Variants in HDAC9 observed in about 807,000 individuals in gnomAD.
HDAC9 encodes histone deacetylase 9, also known as MEF-2 interacting transcription repressor (MITR) protein.
In HDAC9, 41 loss-of-function variants were observed where a neutral mutation model predicts 139.4. That is an observed-to-expected ratio of 0.29 (90% CI 0.23 to 0.38). HDAC9 has a LOEUF of 0.38. Among genes scored for constraint, HDAC9 ranks in the 10% least tolerant of loss-of-function variants. The pLI, the probability that HDAC9 is intolerant of heterozygous loss-of-function variation, is 1.00. For synonymous variants in HDAC9, 517 were observed against 476.2 expected, an observed-to-expected ratio of 1.09 and a Z score of -1.12; for missense variants, 1,147 against 1,297.0, an observed-to-expected ratio of 0.88 and a Z score of 1.78.
intron 1 of HDAC9, among the ~76,000 whole-genome samples, chr7:18,400,638 G>A (rs1197861870): frequency 6.6e-6 from 1 of 152,190 alleles, no homozygotes; most frequent in African/African-American, 2.4e-5. Context: ...GTGGCACTTA[G>A]AAAAGTTGAG....
At chr7:18,159,905 G>T (rs1373738882) in intron 1 of HDAC9, among the ~76,000 whole-genome samples, 1 of 152,122 alleles carries the variant, frequency 6.6e-6, no homozygotes, top group Non-Finnish European at 1.5e-5. Flanking sequence ...AAAAAGACTT[G>T]ATATTTGTAA....
chr7:18,658,813 T>G (rs1792120912), intron 11 of HDAC9, among the ~76,000 whole-genome samples: 1 of 151,938 alleles, frequency 6.6e-6, no homozygotes, highest in South Asian at 2.1e-4. Context: ...TTATCATTAT[T>G]TTTAAATCTA....
intron 12 of HDAC9, among the ~76,000 whole-genome samples, chr7:18,705,852 C>CAA (rs376206693): frequency 0.053 from 4,229 of 80,542 alleles, 408 homozygotes; most frequent in Non-Finnish European, 0.067. Flanking sequence ...GACTCTGTCT[C>CAA]AAAAAAAAAA....
chr7:18,759,941 A>C (rs116001945), intron 14 of HDAC9, among the ~76,000 whole-genome samples: 2,007 of 152,306 alleles, frequency 0.013, 49 homozygotes, highest in African/African-American at 0.046. Flanking sequence ...GGAAGTAAAA[A>C]TTTAATTTAT....
At chr7:18,476,158 T>A (rs1795095887) in intron 1 of HDAC9, among the ~76,000 whole-genome samples, 1 of 152,164 alleles carries the variant, frequency 6.6e-6, no homozygotes, top group Non-Finnish European at 1.5e-5. Context: ...TAAATAGAAA[T>A]AGCAGGTGTA....
At chr7:18,827,443 C>T (rs1795536730) in intron 17 of HDAC9, among the ~76,000 whole-genome samples, 1 of 152,040 alleles carries the variant, frequency 6.6e-6, no homozygotes, top group Admixed American at 6.6e-5. Flanking sequence ...TAGAAAGTAT[C>T]TAATGAATTA....
rs17139508 is a variant in HDAC9, at chr7:18,645,818, A to T, written c.1035+1025A>T. Among the ~76,000 whole-genome samples the T allele has an allele frequency of 8.8e-3, 1,345 of 152,278 alleles. 22 individuals are homozygous for T. Among genetic ancestry groups the T allele is most frequent in the African/African-American group, 0.03 (1,251 of 41,572 alleles). ...AGTCTTCCACTGAGTTGAATGTGTC[A>T]AGTTCACTTGTATGTTCAACACATA... is the stretch of plus-strand genomic sequence containing the variant. On this transcript the variant is annotated intron_variant, in intron 9 of 25. Coordinates refer to ENST00000686413, the MANE Select transcript of HDAC9 (RefSeq NM_178425.4).
At chr7:18,374,678 A>G (rs1373287057) in intron 1 of HDAC9, among the ~76,000 whole-genome samples, 1 of 152,062 alleles carries the variant, frequency 6.6e-6, no homozygotes, top group East Asian at 1.9e-4. Context: ...TGACTGAAAC[A>G]TTGTTATGCT....
intron 2 of HDAC9, among the ~76,000 whole-genome samples, chr7:18,564,758 T>G (rs1278543757): frequency 1.3e-5 from 2 of 152,040 alleles, no homozygotes; most frequent in Non-Finnish European, 2.9e-5. Context: ...CTATTCAAAG[T>G]CCTCAAAATT....
intron 1 of HDAC9, among the ~76,000 whole-genome samples, chr7:18,094,272 C>T (rs1278587393): frequency 6.6e-6 from 1 of 152,118 alleles, no homozygotes; most frequent in Non-Finnish European, 1.5e-5. Flanking sequence ...CTAATCTATT[C>T]TAGAGCACAC....
intron 24 of HDAC9, among the ~76,000 whole-genome samples, chr7:18,969,698 G>A (rs1563094705): frequency 6.6e-6 from 1 of 151,878 alleles, no homozygotes; most frequent in Non-Finnish European, 1.5e-5. Flanking sequence ...TACAGCATTT[G>A]ATATTTTTAA....
At chr7:18,350,008 A>G (rs1046169397) in intron 1 of HDAC9, among the ~76,000 whole-genome samples, 1 of 152,058 alleles carries the variant, frequency 6.6e-6, no homozygotes, top group African/African-American at 2.4e-5. Context: ...ATTATTATTA[A>G]TAGTAGTATA....
In HDAC9 at chr7:18,755,106, C is replaced by G. The variant is rs550776865; in HGVS notation, c.2043+5968C>G. Among the ~76,000 whole-genome samples the G allele has an allele frequency of 9.3e-4, 141 of 152,136 alleles. 1 individual carries two copies. Among genetic ancestry groups the G allele is most frequent in the African/African-American group, 3.3e-3 (137 of 41,504 alleles). ...ACAGAGAGAAACTCAAACAGGGAAC[C>G]CTGTGAATTGTCTCTAAAGGATATG... On this transcript the variant is annotated intron_variant, in intron 14 of 25. Coordinates refer to ENST00000686413, the MANE Select transcript of HDAC9 (RefSeq NM_178425.4).
chr7:18,413,395 C>T (rs1788755913), intron 1 of HDAC9, among the ~76,000 whole-genome samples: 1 of 152,048 alleles, frequency 6.6e-6, no homozygotes, highest in Admixed American at 6.6e-5. Flanking sequence ...CTCTGGATCC[C>T]TAAGGATTCA....
chr7:18,347,689 C>G (rs1782526584), intron 1 of HDAC9, among the ~76,000 whole-genome samples: 1 of 152,072 alleles, frequency 6.6e-6, no homozygotes, highest in African/African-American at 2.4e-5. Context: ...CCTCTGCCTC[C>G]CAGATTTAAG....
At position 19,002,212 on chromosome 7, in the gene HDAC9, G is replaced by C. The variant is rs929041353; in HGVS notation, c.*6150G>C. The C allele has an allele frequency of 2.3e-4, 35 of 152,166 alleles. No homozygotes were observed. The highest frequency in any genetic ancestry group is 7.9e-4 in the African/African-American group (33 of 41,526). 9.4% of individuals were successfully genotyped at this position (152,166 alleles called of 1,614,324 possible). On this transcript the variant is annotated 3_prime_UTR_variant, in exon 26 of 26. Transcript: ENST00000686413. ...ATTAATATCTAATAACAATACCATT[G>C]TTGAACATGCTCATGGAATGTCCAC...
At position 18,998,919 on chromosome 7, in the gene HDAC9, T is replaced by C. The variant is rs1373472355; in HGVS notation, c.*2857T>C. On this transcript the variant is annotated 3_prime_UTR_variant, in exon 26 of 26. Coordinates refer to ENST00000686413, the MANE Select transcript of HDAC9 (RefSeq NM_178425.4). The stretch of plus-strand genomic sequence containing the variant: ...AAGGCTTAAAAATTAATTTTCCCAA[T>C]TGTATAATTTGGGGCTGTATATTAA... 2 of 152,180 alleles carry C rather than the reference T, an allele frequency of 1.3e-5. No homozygotes were observed. Among genetic ancestry groups the C allele is most frequent in the African/African-American group, 4.8e-5 (2 of 41,436 alleles). 9.4% of individuals were successfully genotyped at this position (152,180 alleles called of 1,614,324 possible).
Position 18,432,036 on chromosome 7 carries a change from G to T in HDAC9, c.-41-64226G>T, listed in dbSNP as rs545522326. On this transcript the variant is annotated intron_variant, in intron 1 of 3. Transcript: ENST00000413509. Reference sequence around the variant, plus strand: ...GGTTGAAGTGTCCTGAATAAAACAGGTATCCATGCCTTTGTGCCTTAGCCC... The same window carrying T: ...GGTTGAAGTGTCCTGAATAAAACAGTTATCCATGCCTTTGTGCCTTAGCCC... Among the ~76,000 whole-genome samples, 3 of 152,294 alleles carry T rather than the reference G, an allele frequency of 2.0e-5. No homozygotes were observed. In the South Asian group the frequency reaches 6.2e-4, roughly 32 times the overall value.
intron 2 of HDAC9, among the ~76,000 whole-genome samples, chr7:18,232,074 T>C (rs1584757700): frequency 6.6e-6 from 1 of 152,322 alleles, no homozygotes; most frequent in East Asian, 1.9e-4. Flanking sequence ...TATGAGACAT[T>C]ATATTTAAGC....
Sources: allele counts gnomAD v4.1 joint callset (sites outside exome capture counted in the v4.1 genomes callset), GRCh38; gene constraint gnomAD v4.1.1; transcripts MANE v1.5; gene names NCBI Gene and HGNC (gene_info 2026-07-23, HGNC 2026-07-21).